The following ASTN2 variants were observed in gnomAD, a reference collection of about 807,000 sequenced individuals.
ASTN2 encodes astrotactin 2.
A neutral mutation model predicts 139.8 loss-of-function variants in ASTN2; 54 were observed. The observed-to-expected ratio is 0.39, with a 90% CI of 0.31 to 0.48. ASTN2 has a LOEUF of 0.48. Among genes scored for constraint, ASTN2 ranks in the 20% least tolerant of loss-of-function variants. ASTN2 has a pLI of 0.95. For synonymous variants in ASTN2, 756 were observed against 719.5 expected (o/e 1.05, Z -0.81); for missense variants, 1,565 against 1,725.1 (o/e 0.91, Z 1.64).
At chr9:117,162,487 G>T (rs1391905314) in intron 3 of ASTN2, among the ~76,000 whole-genome samples, 1 of 152,034 alleles carries the variant, frequency 6.6e-6, no homozygotes, top group Non-Finnish European at 1.5e-5. Flanking sequence ...CAGGTAGGAT[G>T]ACAAACCAGA....
rs762831276 is a variant in ASTN2, at chr9:117,414,656, C to A, written c.283G>T (p.Gly95Trp). Residue 95 changes from glycine to tryptophan, a missense_variant, in exon 1 of 23, where the codon GGG becomes TGG. By Grantham distance (184) the Gly-to-Trp change is radical. Transcript: ENST00000313400. The surrounding 1 kb of genome is among the most constrained non-coding windows in gnomAD (Gnocchi z 4.2). ...GARAGAGAGT[G>W]AGAAAAAASP... ...GCGGCGGCGGCGGCGGCTCCGGCCC[C>A]GGTCCCAGCCCCGGCCCCGGCGCGG... 1.1e-5 allele frequency: 14 copies of A among 1,330,788 alleles called. No individual in the cohort carries two copies. The South Asian group carries it at 2.6e-4, about 25-fold the overall frequency. The allele number at this position is 1,330,788 out of a possible 1,614,324, so 82.4% of individuals were successfully genotyped here.
chr9:116,768,959 T>C (rs1262028580), intron 13 of ASTN2, among the ~76,000 whole-genome samples: 1 of 152,200 alleles, frequency 6.6e-6, no homozygotes, highest in Non-Finnish European at 1.5e-5. Context: ...GACTCAACTG[T>C]GAGGTGTATT....
chr9:116,527,985 A>C (rs762550386), intron 19 of ASTN2, among the ~76,000 whole-genome samples: 1 of 152,194 alleles, frequency 6.6e-6, no homozygotes, highest in Admixed American at 6.5e-5. Context: ...GTAGTTCTTT[A>C]TAGCAGTGTG....
chr9:117,154,701 G>A (rs1270169153), intron 3 of ASTN2, among the ~76,000 whole-genome samples: 1 of 152,012 alleles, frequency 6.6e-6, no homozygotes, highest in South Asian at 2.1e-4. Context: ...TAAAACATGT[G>A]AAAAATTATT....
intron 19 of ASTN2, among the ~76,000 whole-genome samples, chr9:116,516,894 T>C (rs1850674940): frequency 6.6e-6 from 1 of 152,156 alleles, no homozygotes; most frequent in African/African-American, 2.4e-5. Flanking sequence ...GAAGCTGCCA[T>C]AATCCTTCTG....
chr9:117,074,896 G>T (rs1032435476), intron 5 of ASTN2, among the ~76,000 whole-genome samples: 1 of 152,072 alleles, frequency 6.6e-6, no homozygotes, highest in Admixed American at 6.6e-5. Context: ...AGACACAGAG[G>T]GGTTAAATAA....
At chr9:116,976,661 G>C (rs1439200938) in intron 8 of ASTN2, 40 bp downstream of exon 8, 5 of 1,582,378 alleles carry the variant, frequency 3.2e-6, no homozygotes, top group Non-Finnish European at 4.3e-6. Flanking sequence ...GTAAAAGTGG[G>C]TCCTGCACTG....
At chr9:116,790,970 A>AGAAAGAAAGAAAGAAAGAAAAGAAAGAAG (rs1830522109) in intron 13 of ASTN2, among the ~76,000 whole-genome samples, 16 of 26,712 alleles carry the variant, frequency 6.0e-4, no homozygotes, top group Admixed American at 1.3e-3. Context: ...AAAGAAGGAA[A>AGAAAGAAAGAAAGAAAGAAAAGAAAGAAG]GAAAGAAAGA....
chr9:116,764,476 A>G (rs1382620592), intron 13 of ASTN2, among the ~76,000 whole-genome samples: 2 of 152,162 alleles, frequency 1.3e-5, no homozygotes, highest in Non-Finnish European at 2.9e-5. Flanking sequence ...CAAGGTGTCA[A>G]TACCAAAGCC....
intron 1 of ASTN2, among the ~76,000 whole-genome samples, chr9:117,309,898 C>T (rs1158770856): frequency 6.6e-6 from 1 of 152,114 alleles, no homozygotes; most frequent in African/African-American, 2.4e-5. Flanking sequence ...GAGTTTAAGG[C>T]TCTGCTGTCA....
At chr9:117,226,143 G>T (rs962646628) in intron 2 of ASTN2, among the ~76,000 whole-genome samples, 4 of 152,220 alleles carry the variant, frequency 2.6e-5, no homozygotes, top group Non-Finnish European at 5.9e-5. Context: ...TTACAGTCAA[G>T]TTCAAAGGTG....
intron 6 of ASTN2, among the ~76,000 whole-genome samples, chr9:117,037,329 C>A (rs1362588242): frequency 2.6e-5 from 3 of 116,916 alleles, no homozygotes; most frequent in African/African-American, 5.4e-5. Context: ...CTCGGGTAAT[C>A]CCTTGATTTT....
chr9:116,533,372 C>G (rs1186538579), intron 19 of ASTN2, among the ~76,000 whole-genome samples: 1 of 152,172 alleles, frequency 6.6e-6, no homozygotes, highest in Non-Finnish European at 1.5e-5. Flanking sequence ...TGCCTGATTG[C>G]CCTGGCCAGA....
chr9:116,854,309 T>C (rs1832683142), intron 11 of ASTN2, among the ~76,000 whole-genome samples: 1 of 152,228 alleles, frequency 6.6e-6, no homozygotes, highest in South Asian at 2.1e-4. Context: ...AGGGCCATGT[T>C]CTAGCCCATT....
chr9:116,557,049 G>A (rs552201092), intron 19 of ASTN2, among the ~76,000 whole-genome samples: 3 of 151,572 alleles, frequency 2.0e-5, no homozygotes, highest in Middle Eastern at 3.4e-3. Context: ...GTGAAACCCC[G>A]CCTCTACTAA....
chr9:117,165,283 T>G (rs571002789), intron 3 of ASTN2, among the ~76,000 whole-genome samples: 1 of 152,264 alleles, frequency 6.6e-6, no homozygotes, highest in South Asian at 2.1e-4. Context: ...GTCAGTACTT[T>G]TCTTCAGTCT....
intron 3 of ASTN2, among the ~76,000 whole-genome samples, chr9:117,152,402 C>T (rs935258439): frequency 5.9e-5 from 9 of 152,124 alleles, no homozygotes; most frequent in African/African-American, 2.2e-4. Context: ...GTTTTCATCT[C>T]CATTCTACTT....
chr9:116,573,838 C>T (rs1853618879), intron 19 of ASTN2, among the ~76,000 whole-genome samples: 1 of 152,182 alleles, frequency 6.6e-6, no homozygotes, highest in African/African-American at 2.4e-5. Context: ...TATACAACTT[C>T]CACTTTGCCA....
rs550249162 is a variant in ASTN2, at chr9:117,227,631, A to G, written c.631-12889T>C. 2.4e-4 allele frequency among the ~76,000 whole-genome samples: 36 copies of G among 152,300 alleles called. 1 individual carries two copies. In the East Asian group the frequency reaches 3.9e-3, roughly 16 times the overall value. ...CCGAGGACCGAAAAGGCTGGAAGAT[A>G]TGTAGTGAATAAAGAAAACATTGCT... On this transcript the variant is annotated intron_variant, in intron 2 of 22. Transcript: ENST00000313400.
Sources: gnomAD v4.1 joint callset for allele counts (sites outside exome capture counted in the v4.1 genomes callset) on GRCh38, gnomAD v4.1.1 for gene constraint, Gnocchi (gnomAD v3.1) non-coding constraint, MANE v1.5 for transcripts, NCBI Gene and HGNC (gene_info 2026-07-23, HGNC 2026-07-21) for gene names.